MYH10: variants seen among roughly 807,000 people sequenced by gnomAD.
MYH10 encodes the protein myosin heavy chain 10.
In MYH10, 55 loss-of-function variants were observed where a neutral mutation model predicts 257.8. The observed-to-expected ratio is 0.21, with a 90% CI of 0.17 to 0.27. MYH10 has a LOEUF of 0.27. Ranked by LOEUF, MYH10 falls within the 10% of genes least tolerant of loss-of-function variation. The probability of loss-of-function intolerance (pLI) is 1.00; values close to 1 mark genes in which losing one functional copy is unlikely to be tolerated. For missense variants in MYH10, 1,631 were observed against 2,500.6 expected (o/e 0.65, Z 7.42); for synonymous variants, 854 against 921.7 (o/e 0.93, Z 1.33).
intron 2 of MYH10, among the ~76,000 whole-genome samples, chr17:8,613,542 T>G: frequency 6.6e-6 from 1 of 152,134 alleles, no homozygotes; most frequent in East Asian, 1.9e-4. Flanking sequence ...GGATCCATGT[T>G]GGAATATGTA....
intron 41 of MYH10, 99 bp downstream of exon 41, chr17:8,478,239 C>T (rs746170552): frequency 4.8e-5 from 49 of 1,016,804 alleles, no homozygotes; most frequent in Non-Finnish European, 6.3e-5. Flanking sequence ...ACATCAGAAT[C>T]GGGAGGGCCC....
intron 6 of MYH10, among the ~76,000 whole-genome samples, chr17:8,574,985 T>C (rs1275744793): frequency 6.6e-6 from 1 of 152,226 alleles, no homozygotes; most frequent in African/African-American, 2.4e-5. Flanking sequence ...TCTTCTAATA[T>C]TTCTAAAAAC....
chr17:8,543,561 G>A (rs909232848), intron 13 of MYH10, among the ~76,000 whole-genome samples: 1 of 147,520 alleles, frequency 6.8e-6, no homozygotes, highest in Admixed American at 6.9e-5. Context: ...TGCAACCTCC[G>A]CCTCCCGGGT....
At chr17:8,610,270 G>GAAAA (rs1567977649) in intron 2 of MYH10, among the ~76,000 whole-genome samples, 1 of 8,022 alleles carries the variant, frequency 1.2e-4, no homozygotes, top group African/African-American at 2.8e-3. Context: ...CCATAGGATT[G>GAAAA]CAAAAAAAAA....
Position 8,542,008 on chromosome 17 carries a change from A to G in MYH10, c.1605+99T>C, listed in dbSNP as rs559846730. 4 of 1,159,378 alleles carry G rather than the reference A, an allele frequency of 3.5e-6. No homozygotes were observed. The East Asian group carries it at 1.0e-4, about 30-fold the overall frequency. 71.8% of individuals were successfully genotyped at this position (1,159,378 alleles called of 1,614,324 possible). ...AAAATTTAGATCAGAAAATTATTTC[A>G]CCACTGAACAGACTGGGTAATTTCT... On this transcript the variant is annotated intron_variant, in intron 14 of 42. Transcript: ENST00000360416.
chr17:8,500,504 A>T (rs958603765), intron 29 of MYH10, among the ~76,000 whole-genome samples: 1 of 152,200 alleles, frequency 6.6e-6, no homozygotes, highest in South Asian at 2.1e-4. Flanking sequence ...CAAGTTAGGG[A>T]AGAATGACTT....
intron 7 of MYH10, among the ~76,000 whole-genome samples, chr17:8,568,408 G>T (rs537569130): frequency 6.6e-6 from 1 of 152,078 alleles, no homozygotes; most frequent in Non-Finnish European, 1.5e-5. Flanking sequence ...GAATCTGGTC[G>T]CTTCCACTAA....
chr17:8,539,167 T>C (rs544301049), intron 14 of MYH10, among the ~76,000 whole-genome samples: 8 of 152,298 alleles, frequency 5.3e-5, no homozygotes, highest in African/African-American at 7.2e-5. Context: ...TCCCAGCCTA[T>C]AGACTACAAG....
intron 21 of MYH10, among the ~76,000 whole-genome samples, chr17:8,516,768 G>A (rs1454710865): frequency 6.6e-6 from 1 of 152,178 alleles, no homozygotes; most frequent in African/African-American, 2.4e-5. Flanking sequence ...GCATTCTGCA[G>A]TTCAGTGGAT....
intron 7 of MYH10, among the ~76,000 whole-genome samples, chr17:8,565,460 C>T (rs1027985743): frequency 7.9e-5 from 12 of 152,150 alleles, no homozygotes; most frequent in African/African-American, 2.9e-4. Flanking sequence ...TAGGTAACAC[C>T]TTATGATAAC....
In MYH10 at chr17:8,500,865, G is replaced by T; in HGVS notation, c.3705C>A (p.Ala1235=). ...IQDMRQRHAT[A]LEELSEQLEQ... ...CCAGCTGCTCTGAGAGCTCCTCCAG[G>T]GCTGTTGCGTGTCTTTGTCTCATGT... is the stretch of plus-strand genomic sequence containing the variant. Residue 1235 remains alanine (A), a synonymous_variant, in exon 29 of 43, where the codon GCC becomes GCA. Coordinates refer to ENST00000360416, the MANE Select transcript of MYH10 (RefSeq NM_001256012.3). 2 of 1,613,900 alleles carry T rather than the reference G, an allele frequency of 1.2e-6. No individual in the cohort carries two copies. The highest frequency in any genetic ancestry group is 1.7e-6 in the Non-Finnish European group (2 of 1,180,026).
Position 8,475,968 on chromosome 17 carries a change from G to A in MYH10, c.5880-20C>T, listed in dbSNP as rs183520989. The A allele has an allele frequency of 2.6e-4, 418 of 1,607,896 alleles. 5 individuals are homozygous for A. The East Asian group carries it at 8.4e-3, about 32-fold the overall frequency. ...CCCCGCCTGGAGAACACAGGAAGCA[G>A]ATGTGTGTGGGTAAACAGACAGGAG... is the stretch of plus-strand genomic sequence containing the variant. On this transcript the variant is annotated intron_variant, in intron 42 of 42. Coordinates refer to ENST00000360416, the MANE Select transcript of MYH10 (RefSeq NM_001256012.3).
chr17:8,532,428 G>A (rs1567857950), intron 16 of MYH10, among the ~76,000 whole-genome samples: 1 of 152,198 alleles, frequency 6.6e-6, no homozygotes, highest in Non-Finnish European at 1.5e-5. Context: ...TTTCTGTAAT[G>A]AAATCAATAA....
chr17:8,483,216 G>A (rs1914159480), intron 37 of MYH10, among the ~76,000 whole-genome samples: 3 of 152,150 alleles, frequency 2.0e-5, no homozygotes, highest in South Asian at 4.1e-4. Context: ...GATGAAAACC[G>A]ATCTTAGAGG....
intron 3 of MYH10, 86 bp from the exon 4 acceptor site, chr17:8,589,194 T>TTTTTA: frequency 7.1e-7 from 1 of 1,400,190 alleles, no homozygotes. Flanking sequence ...GTTGCAGTAA[T>TTTTTA]AGCCTATAAA....
chr17:8,614,593 A>C (rs1480085896), intron 2 of MYH10, among the ~76,000 whole-genome samples: 1 of 152,122 alleles, frequency 6.6e-6, no homozygotes, highest in Admixed American at 6.5e-5. Flanking sequence ...TTAGGATTAC[A>C]GGCATGAGCC....
At position 8,604,927 on chromosome 17, in the gene MYH10, T is replaced by C; in HGVS notation, c.401A>G (p.Tyr134Cys). The change falls in exon 3 of 43, where the codon TAC (tyrosine) becomes TGC (cysteine). Residue 134 changes from tyrosine to cysteine, a missense_variant. Around this residue, in one of 11 missense-constraint regions of MYH10, gnomAD observed 360 missense variants for 581.9 expected, o/e 0.62. Transcript: ENST00000360416. ...GTACATTTCAATAATATTCTCAGAGTAAATTGGAAGATTCTTGTAAGGGTT... is the reference window on the plus strand; with the variant it reads ...GTACATTTCAATAATATTCTCAGAGCAAATTGGAAGATTCTTGTAAGGGTT... The part of the protein sequence containing the change: ...VINPYKNLPI[Y>C]SENIIEMYRG... The C allele has an allele frequency of 6.3e-7, 1 of 1,586,554 alleles. No homozygotes were observed. Among genetic ancestry groups the C allele is most frequent in the Non-Finnish European group, 8.6e-7 (1 of 1,157,626 alleles).
Position 8,492,764 on chromosome 17 carries a change from T to C in MYH10, c.4458+12A>G, listed in dbSNP as rs376416164. On this transcript the variant is annotated intron_variant, in intron 33 of 42. Coordinates refer to ENST00000360416, the MANE Select transcript of MYH10 (RefSeq NM_001256012.3). ...AGCTCTGCCAGGAGGAAACGACACG[T>C]GGCCGACCCACCTGGTCAAACTTCT... 9.2e-5 allele frequency: 148 copies of C among 1,612,102 alleles called. 1 individual carries two copies. The African/African-American group carries it at 1.5e-3, about 17-fold the overall frequency.
At chr17:8,610,007 A>G (rs1331201878) in intron 2 of MYH10, among the ~76,000 whole-genome samples, 1 of 151,970 alleles carries the variant, frequency 6.6e-6, no homozygotes, top group Non-Finnish European at 1.5e-5. Context: ...CACTGGACTC[A>G]CCATTTTGCA....
Sources: gnomAD v4.1 joint callset for allele counts (sites outside exome capture counted in the v4.1 genomes callset) on GRCh38, gnomAD v4.1.1 for gene constraint, gnomAD v4.1.1 regional missense constraint, MANE v1.5 for transcripts, NCBI Gene and HGNC (gene_info 2026-07-23, HGNC 2026-07-21) for gene names.